Variants in FAM20B observed in about 807,000 individuals in gnomAD.
FAM20B encodes FAM20B glycosaminoglycan xylosylkinase.
A neutral mutation model predicts 43.8 loss-of-function variants in FAM20B; 23 were observed. The ratio of observed to expected loss-of-function variants is 0.53; its 90% confidence interval spans 0.38 to 0.74. The LOEUF (loss-of-function observed/expected upper bound fraction) is 0.74. Among genes scored for constraint, FAM20B ranks in the 30% least tolerant of loss-of-function variants. The pLI is 0.00. For synonymous variants in FAM20B, 178 were observed against 192.4 expected (o/e 0.93, Z 0.62); for missense variants, 440 against 510.5 (o/e 0.86, Z 1.33).
At chr1:179,017,638 C>A in the FAM20B span, among the ~76,000 whole-genome samples, 1 of 152,128 alleles carries the variant, frequency 6.6e-6, no homozygotes, top group Non-Finnish European at 1.5e-5. Context: ...TTCTTTGGTG[C>A]ATTTTATAAC....
At chr1:179,025,257 A>T (rs1218912207), upstream of FAM20B, among the ~76,000 whole-genome samples, 1 of 152,212 alleles carries the variant, frequency 6.6e-6, no homozygotes, top group Non-Finnish European at 1.5e-5. Flanking sequence ...GGTCCTTAGC[A>T]AAAAACAGAT....
rs1651306425 is a variant in FAM20B at position 179,058,102 on chromosome 1, T to TA, written c.574+3465dup. Among the ~76,000 whole-genome samples, 3 of 152,252 alleles carry TA rather than the reference T, an allele frequency of 2.0e-5. No individual in the cohort carries two copies. The South Asian group carries it at 6.2e-4, about 31-fold the overall frequency. On this transcript the variant is annotated intron_variant, in intron 4 of 7. Transcript: ENST00000263733. The stretch of plus-strand genomic sequence containing the variant: ...ATAAATGAAACCAATAATATTGAAG[T>TA]ATAATTTCAGTATCAAAAATTTTAA...
chr1:179,064,818 A>G (rs1651622142), intron 6 of FAM20B, among the ~76,000 whole-genome samples: 1 of 152,240 alleles, frequency 6.6e-6, no homozygotes, highest in Non-Finnish European at 1.5e-5. Context: ...TAGAAGCTTG[A>G]GAAATACAGA....
chr1:179,018,682 T>C, the FAM20B span, among the ~76,000 whole-genome samples: 2 of 152,226 alleles, frequency 1.3e-5, no homozygotes, highest in Admixed American at 6.5e-5. Flanking sequence ...AAGTTGTTCA[T>C]GATATACCAT....
rs962042568 is a variant in FAM20B at position 179,045,150 on chromosome 1, TTTTA to T, written c.377+942_377+945del. ...ACAATTCTGTGATACAGTTAATTAT[TTTTA>T]TTTATTTATTTATTTCTCTACACAA... On this transcript the variant is annotated intron_variant, in intron 2 of 7. Transcript: ENST00000263733. Among the ~76,000 whole-genome samples the T allele has an allele frequency of 4.6e-5, 7 of 152,300 alleles. 1 individual carries two copies. The highest frequency in any genetic ancestry group is 4.2e-4 in the South Asian group (2 of 4,814).
intron 1 of FAM20B, among the ~76,000 whole-genome samples, chr1:179,027,244 G>A (rs938778181): frequency 8.5e-5 from 13 of 152,094 alleles, no homozygotes; most frequent in Non-Finnish European, 8.8e-5. Flanking sequence ...TGTTTTTTGC[G>A]TTGTAAATTC....
chr1:179,073,385 G>C lies in FAM20B; in HGVS notation c.*1241G>C, dbSNP rs1203702740. ...GGCTGGAGTGCAGTGGCACGATCTT[G>C]GCTTACTGCAACCTCCGTCTCCCAG... On this transcript the variant is annotated 3_prime_UTR_variant, in exon 8 of 8. Coordinates refer to ENST00000263733, the MANE Select transcript of FAM20B (RefSeq NM_014864.4). 2 of 152,046 alleles carry C rather than the reference G, an allele frequency of 1.3e-5. No individual in the cohort carries two copies. Among genetic ancestry groups the C allele is most frequent in the Non-Finnish European group, 2.9e-5 (2 of 68,076 alleles). 9.4% of individuals were successfully genotyped at this position (152,046 alleles called of 1,614,324 possible).
At chr1:179,024,879 A>T (rs1649692934), upstream of FAM20B, among the ~76,000 whole-genome samples, 1 of 152,228 alleles carries the variant, frequency 6.6e-6, no homozygotes, top group Non-Finnish European at 1.5e-5. Flanking sequence ...AAGGAAACTG[A>T]TGCTCAGCAA....
intron 4 of FAM20B, among the ~76,000 whole-genome samples, chr1:179,060,894 T>C (rs1651433416): frequency 6.6e-6 from 1 of 152,144 alleles, no homozygotes; most frequent in South Asian, 2.1e-4. Context: ...TTATTAAACT[T>C]TTGGTTTTGT....
chr1:179,036,485 G>A (rs1241548312), intron 1 of FAM20B, among the ~76,000 whole-genome samples: 3 of 152,192 alleles, frequency 2.0e-5, no homozygotes, highest in Non-Finnish European at 4.4e-5. Context: ...GTGTGAAATA[G>A]AGCAGGCACA....
chr1:179,031,109 C>T (rs554730300), intron 1 of FAM20B, among the ~76,000 whole-genome samples: 1 of 152,250 alleles, frequency 6.6e-6, no homozygotes, highest in Admixed American at 6.5e-5. Context: ...TTTCCAAGAA[C>T]TGTAGTGAAT....
At chr1:179,050,426 A>T (rs909430873) in intron 3 of FAM20B, 61 bp downstream of exon 3, 34 of 1,275,090 alleles carry the variant, frequency 2.7e-5, no homozygotes, top group Non-Finnish European at 3.7e-5. Context: ...TTTCTTGGAG[A>T]GGACTCGTGG....
At chr1:179,026,173 A>C (rs1416781191) in intron 1 of FAM20B, 75 bp downstream of exon 1, 1 of 147,306 alleles carries the variant, frequency 6.8e-6, no homozygotes, top group Non-Finnish European at 1.5e-5. Context: ...GCGGACCGGC[A>C]CGCGGGCGGG....
intron 1 of FAM20B, among the ~76,000 whole-genome samples, chr1:179,028,547 A>C (rs774635293): frequency 7.3e-4 from 111 of 152,290 alleles, no homozygotes; most frequent in Non-Finnish European, 1.5e-3. Context: ...GCACCACTGC[A>C]CTCCAGACTG....
the FAM20B span, among the ~76,000 whole-genome samples, chr1:179,020,589 G>T: frequency 6.6e-6 from 1 of 152,200 alleles, no homozygotes; most frequent in African/African-American, 2.4e-5. Context: ...GCCCTATAAA[G>T]ATGACAATTT....
intron 1 of FAM20B, among the ~76,000 whole-genome samples, chr1:179,040,275 G>A (rs1650431761): frequency 6.6e-6 from 1 of 152,142 alleles, no homozygotes; most frequent in Admixed American, 6.5e-5. Context: ...GTGGTGGCCG[G>A]GCAGAGGGGC....
chr1:179,043,249 T>C (rs1650621274), intron 1 of FAM20B, among the ~76,000 whole-genome samples: 1 of 152,182 alleles, frequency 6.6e-6, no homozygotes, highest in Non-Finnish European at 1.5e-5. Context: ...ACCACATATA[T>C]ACAGGTCACG....
At chr1:179,024,291 C>G (rs535028771), upstream of FAM20B, among the ~76,000 whole-genome samples, 6 of 152,344 alleles carry the variant, frequency 3.9e-5, no homozygotes, top group African/African-American at 1.2e-4. Flanking sequence ...GAAGCTGAGG[C>G]TGCAGGATAA....
chr1:179,027,185 A>C (rs756578722), intron 1 of FAM20B, among the ~76,000 whole-genome samples: 2 of 152,200 alleles, frequency 1.3e-5, no homozygotes, highest in Non-Finnish European at 2.9e-5. Flanking sequence ...GGACTTTATA[A>C]ATCTATAATC....
Sources: allele counts gnomAD v4.1 joint callset (sites outside exome capture counted in the v4.1 genomes callset), GRCh38; gene constraint gnomAD v4.1.1; transcripts MANE v1.5; gene names NCBI Gene and HGNC (gene_info 2026-07-23, HGNC 2026-07-21).